PACS1: variants seen among roughly 807,000 people sequenced by gnomAD.
PACS1 encodes the protein PACS-1.
Under a neutral mutation model 115.0 loss-of-function variants are expected in PACS1, and 24 were observed. The observed-to-expected ratio is 0.21, with a 90% CI of 0.15 to 0.29. The LOEUF (loss-of-function observed/expected upper bound fraction) is 0.29, where lower values mean the gene tolerates loss of function less well. PACS1 is among the 10% of genes least tolerant of loss of function. The pLI is 1.00. For missense variants in PACS1, 838 were observed against 1,251.2 expected (o/e 0.67, Z 4.98); for synonymous variants, 453 against 504.5 (o/e 0.90, Z 1.37).
chr11:66,242,148 G>T (rs558915665), intron 22 of PACS1, among the ~76,000 whole-genome samples: 1 of 152,228 alleles, frequency 6.6e-6, no homozygotes, highest in Non-Finnish European at 1.5e-5. Context: ...GGAGCTGGAG[G>T]GGAGTTGGAG....
In PACS1 at chr11:66,234,672, G is replaced by A. The variant is rs140808668; in HGVS notation, c.2104+430G>A. On this transcript the variant is annotated intron_variant, in intron 17 of 23. Coordinates refer to ENST00000320580, the MANE Select transcript of PACS1 (RefSeq NM_018026.4). The stretch of plus-strand genomic sequence containing the variant: ...CACGGTGGATCACTTGAACCCAGGA[G>A]TTCAAGACCAGCCTGGGCAACATAG... Among the ~76,000 whole-genome samples the A allele has an allele frequency of 5.3e-5, 8 of 152,256 alleles. 1 individual carries two copies. In the East Asian group the frequency reaches 1.5e-3, roughly 29 times the overall value.
chr11:66,220,201 T>C (rs1855309737), intron 8 of PACS1: 1 of 306,400 alleles, frequency 3.3e-6, no homozygotes, highest in Non-Finnish European at 6.2e-6. Flanking sequence ...TAACCAGGAA[T>C]GGGGCTGCTG....
At chr11:66,207,174 T>C (rs1390052460) in intron 2 of PACS1, among the ~76,000 whole-genome samples, 6 of 152,170 alleles carry the variant, frequency 3.9e-5, no homozygotes, top group Admixed American at 3.9e-4. Flanking sequence ...TCGATACCAT[T>C]ATCACACCTT....
chr11:66,178,577 A>G (rs1364739363), intron 1 of PACS1, among the ~76,000 whole-genome samples: 4 of 152,238 alleles, frequency 2.6e-5, no homozygotes, highest in Non-Finnish European at 5.9e-5. Flanking sequence ...AAATTGAAAT[A>G]GAAATGTTTT....
rs578226437 is a variant in PACS1 at position 66,188,354 on chromosome 11, G to A, written c.357-5132G>A. ...TGTGGTGTGCCTTCCTTTCTCTTGG[G>A]TTCCCTTGGGAGCTGGTTATAGGAG... On this transcript the variant is annotated intron_variant, in intron 1 of 23. Transcript: ENST00000320580. Among the ~76,000 whole-genome samples, 6 of 151,814 alleles carry A rather than the reference G, an allele frequency of 4.0e-5. No individual in the cohort carries two copies. In the East Asian group the frequency reaches 1.2e-3, roughly 29 times the overall value.
intron 1 of PACS1, among the ~76,000 whole-genome samples, chr11:66,132,717 A>T (rs895340809): frequency 1.3e-5 from 2 of 152,146 alleles, no homozygotes; most frequent in African/African-American, 4.8e-5. Context: ...TGCCCAGGCT[A>T]GAGTGCAGTG....
Position 66,241,603 on chromosome 11 carries a change from T to C in PACS1, c.2606T>C (p.Leu869Pro). 2 of 1,614,102 alleles carry C rather than the reference T, an allele frequency of 1.2e-6. No homozygotes were observed. The highest frequency in any genetic ancestry group is 1.1e-5 in the South Asian group (1 of 91,066). Residue 869 changes from leucine to proline, a missense_variant, in exon 22 of 24, where the codon CTT becomes CCT. Transcript: ENST00000320580. ...CTGCCCCATAGTGGGGAGGCCCAGCTTTCTGGCACCATGGCCATGACTGTG... is the reference window on the plus strand; with the variant it reads ...CTGCCCCATAGTGGGGAGGCCCAGCCTTCTGGCACCATGGCCATGACTGTG... ...SRLPHSGEAQLSGTMAMTVVT... is the reference protein window; with the variant it reads ...SRLPHSGEAQPSGTMAMTVVT...
chr11:66,243,354 C>A lies in PACS1; in HGVS notation c.*74C>A, dbSNP rs907590636. 3 of 1,010,508 alleles carry A rather than the reference C, an allele frequency of 3.0e-6. No individual in the cohort carries two copies. Among genetic ancestry groups the A allele is most frequent in the African/African-American group, 3.2e-5 (2 of 63,056 alleles). The allele number at this position is 1,010,508 out of a possible 1,614,324, so 62.6% of individuals were successfully genotyped here. A position where few individuals can be genotyped will look rare whatever the true frequency, so the allele number is the denominator to read the frequency against. ...CCGCCTGCGGGCAGGGGGAGGCCAG[C>A]AGGCCCGGGCCCAGCACCCCTTCCC... On this transcript the variant is annotated 3_prime_UTR_variant, in exon 24 of 24. Coordinates refer to ENST00000320580, the MANE Select transcript of PACS1 (RefSeq NM_018026.4).
At chr11:66,177,858 C>T (rs1012409518) in intron 1 of PACS1, among the ~76,000 whole-genome samples, 1 of 152,042 alleles carries the variant, frequency 6.6e-6, no homozygotes, top group African/African-American at 2.4e-5. Flanking sequence ...GGGAACTTTG[C>T]GTATTTTGTA....
At chr11:66,079,638 A>G (rs933522998) in intron 1 of PACS1, among the ~76,000 whole-genome samples, 2 of 152,110 alleles carry the variant, frequency 1.3e-5, no homozygotes, top group African/African-American at 4.8e-5. Flanking sequence ...CACCCCCTCT[A>G]TAATCTTCCA....
At chr11:66,085,900 C>T (rs1193408410) in intron 1 of PACS1, among the ~76,000 whole-genome samples, 2 of 152,176 alleles carry the variant, frequency 1.3e-5, no homozygotes, top group African/African-American at 2.4e-5. Context: ...CTTGTGGGTA[C>T]ACGTGGCTTT....
At chr11:66,143,743 G>A (rs1295985770) in intron 1 of PACS1, among the ~76,000 whole-genome samples, 2 of 152,018 alleles carry the variant, frequency 1.3e-5, no homozygotes, top group African/African-American at 4.8e-5. Context: ...GGGTTCAGGC[G>A]ATCTTCATGT....
At chr11:66,227,882 C>T (rs1419819071) in intron 11 of PACS1, among the ~76,000 whole-genome samples, 1 of 152,146 alleles carries the variant, frequency 6.6e-6, no homozygotes, top group Non-Finnish European at 1.5e-5. Flanking sequence ...CCAGCGTTCT[C>T]CCTGGAAAAT....
intron 11 of PACS1, among the ~76,000 whole-genome samples, 156 bp downstream of exon 11, chr11:66,227,740 C>T (rs1011296029): frequency 3.3e-5 from 5 of 152,202 alleles, no homozygotes; most frequent in Non-Finnish European, 5.9e-5. Context: ...AATCCTTACC[C>T]GTGGAATGCA....
At chr11:66,219,864 A>G (rs534733143) in intron 8 of PACS1, 59 bp downstream of exon 8, 1 of 1,183,132 alleles carries the variant, frequency 8.5e-7, no homozygotes, top group South Asian at 1.2e-5. Context: ...TTCACCCAGC[A>G]TCCCTGGAGT....
intron 2 of PACS1, among the ~76,000 whole-genome samples, chr11:66,201,310 T>C (rs1854789643): frequency 6.6e-6 from 1 of 151,784 alleles, no homozygotes; most frequent in Non-Finnish European, 1.5e-5. Context: ...TTGAAAGCAA[T>C]AGGCACACAT....
chr11:66,232,068 C>G lies in PACS1; in HGVS notation c.1627-104C>G, dbSNP rs1261486280. On this transcript the variant is annotated intron_variant, in intron 13 of 23. Coordinates refer to ENST00000320580, the MANE Select transcript of PACS1 (RefSeq NM_018026.4). ...CCCAAAGTCCTGATATCTGTTCTCT[C>G]TAACACCCCTGCTCCAGAGACTCCC... 6.7e-5 allele frequency: 47 copies of G among 705,878 alleles called. No individual in the cohort carries two copies. In the Admixed American group the frequency reaches 1.0e-3, roughly 15 times the overall value. The allele number at this position is 705,878 out of a possible 1,614,324, so 43.7% of individuals were successfully genotyped here. A position where few individuals can be genotyped will look rare whatever the true frequency, so the allele number is the denominator to read the frequency against.
At chr11:66,166,014 G>A (rs1859591842) in intron 1 of PACS1, among the ~76,000 whole-genome samples, 1 of 152,094 alleles carries the variant, frequency 6.6e-6, no homozygotes, top group Non-Finnish European at 1.5e-5. Flanking sequence ...TAGCAGCAGG[G>A]CGATCTTGCA....
intron 11 of PACS1, chr11:66,230,258 C>A: frequency 2.3e-6 from 1 of 441,624 alleles, no homozygotes; most frequent in Non-Finnish European, 4.1e-6. Context: ...CCTCTTCACT[C>A]CTGGAGACAG....
Sources: allele counts gnomAD v4.1 joint callset (sites outside exome capture counted in the v4.1 genomes callset), GRCh38; gene constraint gnomAD v4.1.1; transcripts MANE v1.5; gene names NCBI Gene and HGNC (gene_info 2026-07-23, HGNC 2026-07-21).